The following ADCY2 variants were observed in gnomAD, a reference collection of about 807,000 sequenced individuals.
ADCY2 encodes adenylate cyclase 2, also known as adenylate cyclase type 2.
Under a neutral mutation model 125.2 loss-of-function variants are expected in ADCY2, and 31 were observed. The observed-to-expected ratio is 0.25, with a 90% CI of 0.19 to 0.33. The LOEUF is 0.33. Ranked by LOEUF, ADCY2 falls within the 10% of genes least tolerant of loss-of-function variation. The pLI is 1.00. For synonymous variants in ADCY2, 512 were observed against 548.4 expected (o/e 0.93, Z 0.93); for missense variants, 904 against 1,418.2 (o/e 0.64, Z 5.82).
At chr5:7,413,238 A>T (rs1192448784) in intron 1 of ADCY2, among the ~76,000 whole-genome samples, 1 of 152,014 alleles carries the variant, frequency 6.6e-6, no homozygotes, top group Non-Finnish European at 1.5e-5. Flanking sequence ...AATAGAGATC[A>T]CCAGACAGAC....
rs181423628 is a variant in ADCY2 at position 7,764,718 on chromosome 5, C to A, written c.2095-1969C>A. ...AAGGATGTGGAAAATTAAATTGGGT[C>A]CAGAGAAGAGCTGCCTAAATCATTA... On this transcript the variant is annotated intron_variant, in intron 16 of 24. Transcript: ENST00000338316. 1.1e-4 allele frequency among the ~76,000 whole-genome samples: 17 copies of A among 152,182 alleles called. 1 individual carries two copies. In the East Asian group the frequency reaches 3.1e-3, roughly 28 times the overall value.
chr5:7,604,097 GA>G (rs1737329266), intron 3 of ADCY2, among the ~76,000 whole-genome samples: 1 of 20,096 alleles, frequency 5.0e-5, no homozygotes, highest in Non-Finnish European at 8.6e-5. Context: ...ATAGTTTACT[GA>G]GAATGATGGT....
intron 8 of ADCY2, among the ~76,000 whole-genome samples, 181 bp downstream of exon 8, chr5:7,707,083 C>T (rs773778005): frequency 7.2e-5 from 11 of 152,178 alleles, no homozygotes; most frequent in Non-Finnish European, 5.9e-5. Flanking sequence ...CAAGTCCCTG[C>T]GTCACGACCC....
At chr5:7,699,848 A>G (rs940544831) in intron 7 of ADCY2, among the ~76,000 whole-genome samples, 1 of 152,202 alleles carries the variant, frequency 6.6e-6, no homozygotes, top group Non-Finnish European at 1.5e-5. Context: ...TTGGCCTCCC[A>G]AACTGTTGAC....
intron 3 of ADCY2, among the ~76,000 whole-genome samples, chr5:7,571,979 T>C (rs1219535964): frequency 6.6e-6 from 1 of 152,202 alleles, no homozygotes; most frequent in Non-Finnish European, 1.5e-5. Context: ...CTTATTCTTG[T>C]TTATGGCTGC....
chr5:7,643,175 C>T (rs1412347255), intron 4 of ADCY2, among the ~76,000 whole-genome samples: 2 of 151,842 alleles, frequency 1.3e-5, no homozygotes, highest in Admixed American at 6.6e-5. Context: ...AATCCATCAG[C>T]ATGCTTTTAG....
At chr5:7,538,694 C>T (rs1017165168) in intron 3 of ADCY2, among the ~76,000 whole-genome samples, 4 of 151,798 alleles carry the variant, frequency 2.6e-5, no homozygotes, top group African/African-American at 7.3e-5. Context: ...TCATATAAAC[C>T]TTAATGGGAA....
chr5:7,810,485 C>A (rs1241005504), intron 22 of ADCY2, among the ~76,000 whole-genome samples: 1 of 151,744 alleles, frequency 6.6e-6, no homozygotes, highest in Non-Finnish European at 1.5e-5. Flanking sequence ...GGGTTATCTA[C>A]CTGTTTGGTG....
chr5:7,441,591 C>T (rs1043841703), intron 2 of ADCY2, among the ~76,000 whole-genome samples: 1 of 152,006 alleles, frequency 6.6e-6, no homozygotes, highest in African/African-American at 2.4e-5. Context: ...AACTATGCCC[C>T]CATGGTTCAT....
intron 2 of ADCY2, among the ~76,000 whole-genome samples, chr5:7,445,876 T>C (rs1299526122): frequency 6.6e-6 from 1 of 152,244 alleles, no homozygotes; most frequent in Non-Finnish European, 1.5e-5. Flanking sequence ...TTTTCAACAG[T>C]CTTTTAATGC....
intron 3 of ADCY2, among the ~76,000 whole-genome samples, chr5:7,527,357 A>G (rs907534020): frequency 1.3e-5 from 2 of 152,230 alleles, no homozygotes; most frequent in African/African-American, 2.4e-5. Context: ...GGTTAGTATC[A>G]CTGTTGGCAT....
intron 14 of ADCY2, among the ~76,000 whole-genome samples, chr5:7,733,054 A>C (rs1742151702): frequency 6.6e-6 from 1 of 152,222 alleles, no homozygotes; most frequent in East Asian, 1.9e-4. Flanking sequence ...TTTCATTCAT[A>C]TTATCTGCCA....
At chr5:7,732,124 C>T (rs1331858106) in intron 14 of ADCY2, among the ~76,000 whole-genome samples, 3 of 152,164 alleles carry the variant, frequency 2.0e-5, no homozygotes, top group African/African-American at 7.2e-5. Context: ...TGGGATTCAC[C>T]AATTCAAGTC....
intron 11 of ADCY2, among the ~76,000 whole-genome samples, 165 bp downstream of exon 11, chr5:7,713,064 G>A (rs1250404255): frequency 6.6e-6 from 1 of 151,930 alleles, no homozygotes; most frequent in Non-Finnish European, 1.5e-5. Context: ...GAATCATTGG[G>A]GTCTTATTGT....
At chr5:7,506,996 C>T (rs1743847377) in intron 2 of ADCY2, among the ~76,000 whole-genome samples, 1 of 148,696 alleles carries the variant, frequency 6.7e-6, no homozygotes, top group South Asian at 2.2e-4. Flanking sequence ...ACCGTGTTAG[C>T]CAGGATGGTC....
chr5:7,427,520 A>G (rs145542047), intron 2 of ADCY2, among the ~76,000 whole-genome samples: 8 of 152,094 alleles, frequency 5.3e-5, no homozygotes, highest in Non-Finnish European at 1.2e-4. Context: ...CATGGGGGAA[A>G]CTGCTCCCAT....
chr5:7,727,542 G>T (rs954253189), intron 14 of ADCY2, among the ~76,000 whole-genome samples: 1 of 152,084 alleles, frequency 6.6e-6, no homozygotes, highest in Non-Finnish European at 1.5e-5. Flanking sequence ...ACTCTGATGC[G>T]CAGTCTAGGA....
At chr5:7,720,642 C>T (rs893528993) in intron 12 of ADCY2, among the ~76,000 whole-genome samples, 20 of 151,792 alleles carry the variant, frequency 1.3e-4, no homozygotes, top group African/African-American at 3.9e-4. Flanking sequence ...TGAGAACATG[C>T]GGTGTTTGGT....
chr5:7,778,052 C>G (rs2126489382), intron 18 of ADCY2, among the ~76,000 whole-genome samples: 1 of 152,310 alleles, frequency 6.6e-6, no homozygotes, highest in South Asian at 2.1e-4. Context: ...GTGAATTGAT[C>G]AATAATGGTT....
Sources: gnomAD v4.1 joint callset for allele counts (sites outside exome capture counted in the v4.1 genomes callset) on GRCh38, gnomAD v4.1.1 for gene constraint, MANE v1.5 for transcripts, NCBI Gene and HGNC (gene_info 2026-07-23, HGNC 2026-07-21) for gene names.